PUM2: variants seen among roughly 807,000 people sequenced by gnomAD.
PUM2 encodes the protein pumilio homolog 2.
Under a neutral mutation model 124.5 loss-of-function variants are expected in PUM2, and 57 were observed. The observed-to-expected ratio is 0.46, with a 90% confidence interval of 0.37 to 0.57. PUM2 has a LOEUF of 0.57. Among genes scored for constraint, PUM2 ranks in the 20% least tolerant of loss-of-function variants. The probability of loss-of-function intolerance (pLI) is 0.00; values close to 1 mark genes in which losing one functional copy is unlikely to be tolerated. For missense variants in PUM2, 1,065 were observed against 1,290.6 expected, an observed-to-expected ratio of 0.83 and a Z score of 2.68; for synonymous variants, 460 against 446.1, an observed-to-expected ratio of 1.03 and a Z score of -0.39.
intron 20 of PUM2, 30 bp downstream of exon 20, chr2:20,253,792 C>T (rs755257625): frequency 6.4e-7 from 1 of 1,558,266 alleles, no homozygotes; most frequent in Non-Finnish European, 8.8e-7. Flanking sequence ...CAAAGACAAA[C>T]AGTTATCTGA....
Position 20,251,410 on chromosome 2 carries a change from C to A in PUM2, c.*175G>T. 4.2e-6 allele frequency: 3 copies of A among 707,564 alleles called. No individual in the cohort carries two copies. The highest frequency in any genetic ancestry group is 6.5e-6 in the Non-Finnish European group (3 of 459,904). 43.8% of individuals were successfully genotyped at this position (707,564 alleles called of 1,614,324 possible). The stretch of plus-strand genomic sequence containing the variant: ...ATATAATTTATAATTCATCCCCCAC[C>A]CCCCAAATATACACAAGAACCTTAA... On this transcript the variant is annotated 3_prime_UTR_variant, in exon 21 of 21. Transcript: ENST00000361078.
chr2:20,345,753 TC>T (rs1394064001), intron 1 of PUM2, among the ~76,000 whole-genome samples: 2 of 152,042 alleles, frequency 1.3e-5, no homozygotes, highest in African/African-American at 4.8e-5. Flanking sequence ...GCGCCTGTAA[TC>T]CCAGCTTCTT....
At chr2:20,279,379 C>G (rs1041585031) in intron 12 of PUM2, among the ~76,000 whole-genome samples, 1 of 152,086 alleles carries the variant, frequency 6.6e-6, no homozygotes, top group African/African-American at 2.4e-5. Flanking sequence ...GCAGCTAACT[C>G]AACAGTATTT....
In PUM2 at chr2:20,263,399, A is replaced by G. The variant is rs760915039; in HGVS notation, c.2019T>C (p.Tyr673=). The G allele has an allele frequency of 9.9e-6, 16 of 1,613,980 alleles. No homozygotes were observed. The highest frequency in any genetic ancestry group is 3.3e-4 in the Middle Eastern group (2 of 6,082). ...ISAAPGAEAK[Y]RSASSTSSLF... is the part of the protein sequence containing the mutation. ...GACTGGAAGTGCTTGAAGCACTTCG[A>G]TATTTTGCTTCTGCTCCAGGTGCTG... The change falls in exon 14 of 21, where the codon TAT becomes TAC. Residue 673 remains tyrosine, a synonymous_variant. Transcript: ENST00000361078.
rs1050682152 is a variant in PUM2 at position 20,294,268 on chromosome 2, C to A, written c.1152+108G>T. ...TGCGTATCAACTGTATGCCAGGAGT[C>A]GTGTTACACAGTGAGGAAACGTAAG... On this transcript the variant is annotated intron_variant, in intron 9 of 20. Coordinates refer to ENST00000361078, the MANE Select transcript of PUM2 (RefSeq NM_015317.5). 4.9e-6 allele frequency: 6 copies of A among 1,222,664 alleles called. No homozygotes were observed. The African/African-American group carries it at 9.1e-5, about 19-fold the overall frequency. 75.7% of individuals were successfully genotyped at this position (1,222,664 alleles called of 1,614,324 possible). A position where few individuals can be genotyped will look rare whatever the true frequency, so the allele number is the denominator to read the frequency against.
At chr2:20,260,304 T>TG (rs1665862621) in intron 15 of PUM2, 33 bp downstream of exon 15, 1 of 1,576,792 alleles carries the variant, frequency 6.3e-7, no homozygotes, top group Non-Finnish European at 8.7e-7. Flanking sequence ...AACAGCTGGA[T>TG]GGGCGGATAT....
At chr2:20,261,847 AAGTC>A (rs1486925989) in intron 14 of PUM2, among the ~76,000 whole-genome samples, 3 of 152,178 alleles carry the variant, frequency 2.0e-5, no homozygotes, top group Non-Finnish European at 4.4e-5. Context: ...GTGTTATTAC[AAGTC>A]AGTAAGTTAA....
Position 20,308,462 on chromosome 2 carries a change from TCAA to T in PUM2, c.638_640del (p.Val213del). On this transcript the variant is annotated inframe_deletion, in exon 6 of 21. Transcript: ENST00000361078. The stretch of plus-strand genomic sequence containing the variant: ...CTGAGTTTCAGGATTTGAAAATTCT[TCAA>T]CAAGTGGTTTATTAGCTGTAGGATT... The T allele has an allele frequency of 6.2e-7, 1 of 1,614,178 alleles. No homozygotes were observed. The highest frequency in any genetic ancestry group is 8.5e-7 in the Non-Finnish European group (1 of 1,180,004).
At chr2:20,284,833 G>T (rs568125092) in intron 10 of PUM2, among the ~76,000 whole-genome samples, 1 of 152,284 alleles carries the variant, frequency 6.6e-6, no homozygotes, top group East Asian at 1.9e-4. Flanking sequence ...CACTTCACCT[G>T]TAAGACACAC....
chr2:20,277,841 C>A (rs762929774), intron 13 of PUM2, among the ~76,000 whole-genome samples: 4 of 151,916 alleles, frequency 2.6e-5, no homozygotes, highest in Non-Finnish European at 2.9e-5. Flanking sequence ...AAAATAATTT[C>A]TTTGACAAGA....
rs537886464 is a variant in PUM2, at chr2:20,280,671, T to C, written c.1721-1852A>G. Among the ~76,000 whole-genome samples the C allele has an allele frequency of 1.5e-4, 23 of 152,262 alleles. 3 individuals carry two copies. Among genetic ancestry groups the C allele is most frequent in the African/African-American group, 5.5e-4 (23 of 41,580 alleles). On this transcript the variant is annotated intron_variant, in intron 12 of 20. Coordinates refer to ENST00000361078, the MANE Select transcript of PUM2 (RefSeq NM_015317.5). ...ATTTAAAAATAATTCAGAAATAACC[T>C]TAAATATAAAGAAGCTGGCTCTTTA...
At chr2:20,331,098 A>G (rs1177424065) in intron 1 of PUM2, among the ~76,000 whole-genome samples, 1 of 151,962 alleles carries the variant, frequency 6.6e-6, no homozygotes, top group Non-Finnish European at 1.5e-5. Flanking sequence ...TGGCACACAG[A>G]AACGTGGTTT....
Position 20,278,630 on chromosome 2 carries a change from G to A in PUM2, c.1910C>T (p.Pro637Leu). The change falls in exon 13 of 21, where the codon CCA becomes CTA. Residue 637 changes from proline to leucine, a missense_variant. This residue lies in a region of PUM2 where 968 missense variants were observed against 1,159.8 expected (regional missense o/e 0.83). Transcript: ENST00000361078. ...TCCATGTGATGAAAGTGATGGCGGT[G>A]GCGTAAGTGAATGTCCTGGAGTTTG... ...PSQTPGHSLT[P>L]PPSLSSHGSS... 1 of 1,613,376 alleles carries A rather than the reference G, an allele frequency of 6.2e-7. No homozygotes were observed. The highest frequency in any genetic ancestry group is 8.5e-7 in the Non-Finnish European group (1 of 1,179,598).
intron 16 of PUM2, among the ~76,000 whole-genome samples, chr2:20,257,699 T>TTAA (rs1266872470): frequency 2.0e-5 from 3 of 152,204 alleles, no homozygotes; most frequent in Non-Finnish European, 4.4e-5. Flanking sequence ...AATTCCTTTA[T>TTAA]TAATGTGAAA....
chr2:20,271,935 G>C (rs1669103980), intron 13 of PUM2, among the ~76,000 whole-genome samples: 1 of 152,106 alleles, frequency 6.6e-6, no homozygotes, highest in South Asian at 2.1e-4. Flanking sequence ...GAGGCAAGTG[G>C]ATCACCTGAG....
chr2:20,269,583 A>G (rs1668553936), intron 13 of PUM2, among the ~76,000 whole-genome samples: 1 of 152,226 alleles, frequency 6.6e-6, no homozygotes, highest in Admixed American at 6.5e-5. Context: ...CAAAGTGGGC[A>G]TATTTAAAAG....
intron 3 of PUM2, 67 bp from the exon 4 acceptor site, chr2:20,312,490 A>G: frequency 7.2e-7 from 1 of 1,392,890 alleles, no homozygotes; most frequent in Non-Finnish European, 9.8e-7. Flanking sequence ...AGTTAAATTA[A>G]TATACTGAAG....
At chr2:20,347,566 G>A (rs1348944890) in intron 1 of PUM2, among the ~76,000 whole-genome samples, 1 of 152,162 alleles carries the variant, frequency 6.6e-6, no homozygotes, top group South Asian at 2.1e-4. Context: ...ACTGTCTCCT[G>A]TCTATATATA....
chr2:20,339,335 C>G (rs1686766097), intron 1 of PUM2, among the ~76,000 whole-genome samples: 1 of 149,258 alleles, frequency 6.7e-6, no homozygotes, highest in Non-Finnish European at 1.5e-5. Context: ...AGGGTTAACC[C>G]ATCTCAAGAG....
Sources: gnomAD v4.1 joint callset for allele counts (sites outside exome capture counted in the v4.1 genomes callset) on GRCh38, gnomAD v4.1.1 for gene constraint, gnomAD v4.1.1 regional missense constraint, MANE v1.5 for transcripts, NCBI Gene and HGNC (gene_info 2026-07-23, HGNC 2026-07-21) for gene names.